Variants in EPB41L4B observed in about 807,000 individuals in gnomAD.
The protein encoded by EPB41L4B is band 4.1-like protein 4B.
EPB41L4B carries 30 observed loss-of-function variants against 112.5 expected under a neutral mutation model. The observed-to-expected ratio is 0.27, with a 90% confidence interval of 0.20 to 0.36. EPB41L4B has a LOEUF of 0.36. EPB41L4B is among the 10% of genes least tolerant of loss of function. The pLI is 1.00. For synonymous variants in EPB41L4B, 408 were observed against 439.7 expected (o/e 0.93, Z 0.90); for missense variants, 1,024 against 1,133.3 (o/e 0.90, Z 1.38).
chr9:109,275,731 T>C (rs984407826), intron 2 of EPB41L4B, among the ~76,000 whole-genome samples: 1 of 152,198 alleles, frequency 6.6e-6, no homozygotes, highest in African/African-American at 2.4e-5. Flanking sequence ...ACCTCCACTT[T>C]ACAGCTAGGA....
intron 6 of EPB41L4B, among the ~76,000 whole-genome samples, chr9:109,262,001 T>A (rs75136746): frequency 6.6e-6 from 1 of 152,100 alleles, no homozygotes; most frequent in East Asian, 1.9e-4. Flanking sequence ...ACTAATGAAA[T>A]CCCGGATATG....
At chr9:109,239,722 TC>T (rs1169648703) in intron 15 of EPB41L4B, 2 of 702,254 alleles carry the variant, frequency 2.8e-6, no homozygotes, top group Non-Finnish European at 3.5e-6. Context: ...CTGAAACCAC[TC>T]AAGTTACTTT....
chr9:109,259,533 C>G (rs887550375), intron 6 of EPB41L4B, among the ~76,000 whole-genome samples: 5 of 152,128 alleles, frequency 3.3e-5, no homozygotes, highest in African/African-American at 1.2e-4. Flanking sequence ...CTCTAGGAGG[C>G]CGTGGAGGGT....
At chr9:109,241,909 C>A (rs1588163707) in intron 15 of EPB41L4B, 2 of 1,193,670 alleles carry the variant, frequency 1.7e-6, no homozygotes, top group East Asian at 4.7e-5. Context: ...GCAGGGGGAA[C>A]CATGAGCCAT....
chr9:109,194,162 T>C, intron 21 of EPB41L4B, 58 bp downstream of exon 21: 2 of 1,558,280 alleles, frequency 1.3e-6, no homozygotes, highest in South Asian at 1.2e-5. Flanking sequence ...ACTCAGTAAA[T>C]TGATACTGAA....
At chr9:109,177,647 C>T (rs746183636) in intron 24 of EPB41L4B, among the ~76,000 whole-genome samples, 1 of 151,788 alleles carries the variant, frequency 6.6e-6, no homozygotes. Flanking sequence ...CATGGCAAAA[C>T]CCCATCTCTA....
At chr9:109,261,885 T>G (rs1419479090) in intron 6 of EPB41L4B, among the ~76,000 whole-genome samples, 3 of 152,212 alleles carry the variant, frequency 2.0e-5, no homozygotes, top group Admixed American at 2.0e-4. Flanking sequence ...CATTATGGTA[T>G]TCATAAGTAA....
intron 15 of EPB41L4B, among the ~76,000 whole-genome samples, chr9:109,242,023 G>A (rs1288254917): frequency 6.6e-6 from 1 of 152,186 alleles, no homozygotes; most frequent in Non-Finnish European, 1.5e-5. Context: ...GCAAGGGTCT[G>A]TCTATGGTCA....
At chr9:109,298,327 T>C (rs1268986988) in intron 1 of EPB41L4B, among the ~76,000 whole-genome samples, 16 of 150,890 alleles carry the variant, frequency 1.1e-4, no homozygotes, top group Non-Finnish European at 1.9e-4. Context: ...TTTTTTTTTT[T>C]CCCCAAGACA....
chr9:109,251,594 G>A (rs1834790571), intron 12 of EPB41L4B, 83 bp from the exon 13 acceptor site: 7 of 1,249,972 alleles, frequency 5.6e-6, no homozygotes, highest in Non-Finnish European at 8.2e-6. Context: ...GGCCATGCGA[G>A]ACTTCTACCA....
At chr9:109,203,873 A>G (rs1165836101) in intron 18 of EPB41L4B, 143 bp from the exon 19 acceptor site, 1 of 665,952 alleles carries the variant, frequency 1.5e-6, no homozygotes, top group Admixed American at 2.5e-5. Flanking sequence ...TCAATAGAGA[A>G]TCTTGCACTG....
chr9:109,193,109 AT>A (rs1832517852), intron 21 of EPB41L4B, among the ~76,000 whole-genome samples: 1 of 152,204 alleles, frequency 6.6e-6, no homozygotes, highest in East Asian at 1.9e-4. Flanking sequence ...ACAGTGGAGG[AT>A]AATCCAGGCT....
chr9:109,237,632 G>A (rs1834194238), intron 15 of EPB41L4B, among the ~76,000 whole-genome samples: 1 of 152,186 alleles, frequency 6.6e-6, no homozygotes, highest in Non-Finnish European at 1.5e-5. Context: ...TTTAGACTGG[G>A]GGAGGGGTGG....
At chr9:109,204,092 T>A (rs1832918730) in intron 18 of EPB41L4B, among the ~76,000 whole-genome samples, 1 of 152,256 alleles carries the variant, frequency 6.6e-6, no homozygotes, top group Non-Finnish European at 1.5e-5. Flanking sequence ...TAATCAGCTC[T>A]ATGTTCACAT....
chr9:109,238,638 C>T (rs1834237811), intron 15 of EPB41L4B, among the ~76,000 whole-genome samples: 1 of 151,918 alleles, frequency 6.6e-6, no homozygotes, highest in African/African-American at 2.4e-5. Flanking sequence ...TAATACAAAG[C>T]TGTAAGTGCA....
At chr9:109,293,786 G>A (rs1367686281) in intron 1 of EPB41L4B, among the ~76,000 whole-genome samples, 1 of 151,262 alleles carries the variant, frequency 6.6e-6, no homozygotes, top group Non-Finnish European at 1.5e-5. Flanking sequence ...TAACGATATT[G>A]GACTCTCTGA....
At chr9:109,319,337 G>A (rs1003581626) in intron 1 of EPB41L4B, among the ~76,000 whole-genome samples, 5 of 152,138 alleles carry the variant, frequency 3.3e-5, no homozygotes, top group Admixed American at 1.3e-4. Context: ...AGGCGCCGCC[G>A]CCCTGAGGTG....
chr9:109,186,780 G>C (rs1832285793), intron 22 of EPB41L4B, among the ~76,000 whole-genome samples: 2 of 152,172 alleles, frequency 1.3e-5, no homozygotes, highest in African/African-American at 4.8e-5. Context: ...ATTGTGCCCA[G>C]CTGTAACATA....
At chr9:109,201,644 G>A (rs1035993296) in intron 19 of EPB41L4B, among the ~76,000 whole-genome samples, 3 of 152,056 alleles carry the variant, frequency 2.0e-5, no homozygotes, top group African/African-American at 4.8e-5. Flanking sequence ...GGTCAGCATC[G>A]GGGAAAGCTA....
Sources: gnomAD v4.1 joint callset for allele counts (sites outside exome capture counted in the v4.1 genomes callset) on GRCh38, gnomAD v4.1.1 for gene constraint, MANE v1.5 for transcripts, NCBI Gene and HGNC (gene_info 2026-07-23, HGNC 2026-07-21) for gene names.